SLAMF9: variants seen among roughly 807,000 people sequenced by gnomAD.
The protein encoded by SLAMF9 is CD2 family member 10.
A neutral mutation model predicts 30.4 loss-of-function variants in SLAMF9; 25 were observed. The ratio of observed to expected loss-of-function variants is 0.82; its 90% CI spans 0.60 to 1.15. The LOEUF is 1.15. Ranked by LOEUF, SLAMF9 falls within the 50% of genes most tolerant of loss-of-function variation. SLAMF9 has a pLI of 0.00. For missense variants in SLAMF9, 344 were observed against 346.1 expected (o/e 0.99, Z 0.05); for synonymous variants, 129 against 127.2 (o/e 1.01, Z -0.09).
At chr1:159,961,661 G>C in the SLAMF9 span, among the ~76,000 whole-genome samples, 1 of 152,232 alleles carries the variant, frequency 6.6e-6, no homozygotes, top group African/African-American at 2.4e-5. Context: ...AAGGAGAAAA[G>C]AGTGTTCCTC....
the SLAMF9 span, among the ~76,000 whole-genome samples, chr1:159,962,723 A>G: frequency 6.6e-6 from 1 of 152,330 alleles, no homozygotes; most frequent in African/African-American, 2.4e-5. Context: ...AGTGGAGTCA[A>G]AGTTATCTGC....
chr1:159,957,950 G>C (rs181024040), upstream of SLAMF9, among the ~76,000 whole-genome samples: 271 of 152,342 alleles, frequency 1.8e-3, no homozygotes, highest in Admixed American at 3.2e-3. Flanking sequence ...GCCTGGAAAA[G>C]ATAAATGGAG....
chr1:159,972,971 G>C, the SLAMF9 span: 3 of 1,216,178 alleles, frequency 2.5e-6, no homozygotes, highest in South Asian at 4.2e-5. Flanking sequence ...ACCCCTGGGG[G>C]CGTCGCCACT....
Position 159,951,607 on chromosome 1 carries a change from T to TTC in SLAMF9, c.*52_*53dup. Reference sequence around the variant, plus strand: ...TGGAAAGAAGAGAGCTGAGGAAGGATTCTCTGGGTGCTGGGAAGAAACCAA... The same window carrying TTC: ...TGGAAAGAAGAGAGCTGAGGAAGGATTCTCTCTGGGTGCTGGGAAGAAACCAA... On this transcript the variant is annotated 3_prime_UTR_variant, in exon 4 of 4. Coordinates refer to ENST00000368093, the MANE Select transcript of SLAMF9 (RefSeq NM_033438.4). 1 of 1,550,448 alleles carries TTC rather than the reference T, an allele frequency of 6.4e-7. No homozygotes were observed. The highest frequency in any genetic ancestry group is 8.9e-7 in the Non-Finnish European group (1 of 1,126,606).
chr1:159,964,563 G>A, the SLAMF9 span, among the ~76,000 whole-genome samples: 3 of 152,022 alleles, frequency 2.0e-5, no homozygotes, highest in East Asian at 1.9e-4. Context: ...TAGAATCTAC[G>A]GATCTTGTCC....
At chr1:159,957,439 C>G (rs1314338662), upstream of SLAMF9, among the ~76,000 whole-genome samples, 1 of 152,078 alleles carries the variant, frequency 6.6e-6, no homozygotes, top group Non-Finnish European at 1.5e-5. Context: ...TCCTGGCCAA[C>G]ATGGTGAAAT....
the SLAMF9 span, chr1:159,973,001 C>A: frequency 3.0e-5 from 42 of 1,404,278 alleles, no homozygotes; most frequent in African/African-American, 4.5e-5. Flanking sequence ...ATTTACCCTG[C>A]ACTCTGACCT....
the SLAMF9 span, among the ~76,000 whole-genome samples, chr1:159,982,759 G>A: frequency 2.6e-5 from 4 of 152,196 alleles, no homozygotes; most frequent in African/African-American, 2.4e-5. Context: ...GGCTGGGCGC[G>A]GTGGCTCACG....
the SLAMF9 span, among the ~76,000 whole-genome samples, chr1:159,974,367 T>A: frequency 1.8e-4 from 27 of 152,318 alleles, no homozygotes; most frequent in Admixed American, 5.2e-4. Flanking sequence ...TTCTTCCCCA[T>A]TGACATATTT....
chr1:159,954,879 G>A (rs1364377629), upstream of SLAMF9, among the ~76,000 whole-genome samples: 1 of 152,050 alleles, frequency 6.6e-6, no homozygotes, highest in African/African-American at 2.4e-5. Flanking sequence ...AGGAGTTTGA[G>A]ACCAGCCTGG....
rs774294404 is a variant in SLAMF9, at chr1:159,952,536, TG to T, written c.392-3del. On this transcript the variant is annotated splice_polypyrimidine_tract_variant and splice_region_variant and intron_variant, in intron 2 of 3. Coordinates refer to ENST00000368093, the MANE Select transcript of SLAMF9 (RefSeq NM_033438.4). ...TGATCTGGGGCTCTGACAGCCATCCTGGATGAAGGGGAAACACAAAGACCCT... is the reference window on the plus strand; with the variant it reads ...TGATCTGGGGCTCTGACAGCCATCCTGATGAAGGGGAAACACAAAGACCCT... 6.2e-7 allele frequency: 1 copy of T among 1,613,256 alleles called. No homozygotes were observed. Among genetic ancestry groups the T allele is most frequent in the Non-Finnish European group, 8.5e-7 (1 of 1,179,650 alleles).
Position 159,951,769 on chromosome 1 carries a change from G to C in SLAMF9, c.762C>G (p.Leu254=). Residue 254 remains leucine (L), a synonymous_variant, in exon 4 of 4, where the codon CTC becomes CTG. Coordinates refer to ENST00000368093, the MANE Select transcript of SLAMF9 (RefSeq NM_033438.4). ...FLLLVILAMG[L]WVIRVQKRHK... is the part of the protein sequence containing the mutation. ...GTCTTTTCTGGACTCGGATGACCCA[G>C]AGTCCCATGGCCAGAATTACCAAGA... 6.2e-7 allele frequency: 1 copy of C among 1,614,198 alleles called. No homozygotes were observed. The highest frequency in any genetic ancestry group is 1.6e-4 in the Middle Eastern group (1 of 6,062).
the SLAMF9 span, among the ~76,000 whole-genome samples, chr1:159,962,008 A>G: frequency 3.3e-5 from 5 of 152,116 alleles, no homozygotes; most frequent in African/African-American, 9.7e-5. Context: ...GAATACAAAA[A>G]TTAGCCCAGC....
Position 159,953,462 on chromosome 1 carries a change from G to T in SLAMF9, c.238C>A (p.Pro80Thr). 3 of 1,614,238 alleles carry T rather than the reference G, an allele frequency of 1.9e-6. No individual in the cohort carries two copies. Among genetic ancestry groups the T allele is most frequent in the Non-Finnish European group, 2.5e-6 (3 of 1,180,044 alleles). The stretch of plus-strand genomic sequence containing the variant: ...AAGCTCACTTGGCCCTGGTAGTGTG[G>T]ATTGGTCACCATGATGGTAGCTGGA... ...GHPATIMVTN[P>T]HYQGQVSFLD... Residue 80 changes from proline (P) to threonine (T), a missense_variant, in exon 2 of 4, where the codon CCA becomes ACA. Transcript: ENST00000368093.
At chr1:159,953,945 C>T in intron 1 of SLAMF9, 147 bp downstream of exon 1, 1 of 972,428 alleles carries the variant, frequency 1.0e-6, no homozygotes, top group South Asian at 1.6e-5. Flanking sequence ...CGGTCCTGCC[C>T]TGAAGCCACA....
chr1:159,955,753 A>AG (rs1651909377), upstream of SLAMF9, among the ~76,000 whole-genome samples: 1 of 152,216 alleles, frequency 6.6e-6, no homozygotes, highest in Middle Eastern at 3.2e-3. Context: ...TGGAGTCAGG[A>AG]GGGTTGGGGA....
chr1:159,978,212 G>GACA, the SLAMF9 span, among the ~76,000 whole-genome samples: 2 of 152,082 alleles, frequency 1.3e-5, no homozygotes, highest in Admixed American at 6.5e-5. Flanking sequence ...AAAGGGCCAG[G>GACA]TGAGACCTCA....
the SLAMF9 span, among the ~76,000 whole-genome samples, chr1:159,962,154 C>G: frequency 6.8e-6 from 1 of 147,564 alleles, no homozygotes; most frequent in South Asian, 2.1e-4. Flanking sequence ...AAGACTCCAT[C>G]TCAAAAAAAA....
intron 2 of SLAMF9, among the ~76,000 whole-genome samples, chr1:159,952,922 A>G (rs1170477015): frequency 6.6e-6 from 1 of 152,212 alleles, no homozygotes; most frequent in Non-Finnish European, 1.5e-5. Context: ...CACTAAGAAG[A>G]AATTTGGGTT....
Sources: gnomAD v4.1 joint callset for allele counts (sites outside exome capture counted in the v4.1 genomes callset) on GRCh38, gnomAD v4.1.1 for gene constraint, MANE v1.5 for transcripts, NCBI Gene and HGNC (gene_info 2026-07-23, HGNC 2026-07-21) for gene names.